RFXAP: variants seen among roughly 807,000 people sequenced by gnomAD.
RFXAP encodes regulatory factor X-associated protein.
A neutral mutation model predicts 25.7 loss-of-function variants in RFXAP; 21 were observed. That is an observed-to-expected ratio of 0.82 (90% CI 0.58 to 1.18). The LOEUF (loss-of-function observed/expected upper bound fraction) is 1.18, where lower values mean the gene tolerates loss of function less well. Ranked by LOEUF, RFXAP falls within the 50% of genes most tolerant of loss-of-function variation. The pLI is 0.00. For missense variants in RFXAP, 333 were observed against 363.0 expected, an observed-to-expected ratio of 0.92 and a Z score of 0.67; for synonymous variants, 161 against 152.2, an observed-to-expected ratio of 1.06 and a Z score of -0.43.
At chr13:36,822,068 G>A (rs989983583) in intron 1 of RFXAP, among the ~76,000 whole-genome samples, 11 of 151,810 alleles carry the variant, frequency 7.2e-5, no homozygotes, top group African/African-American at 2.4e-4. Context: ...CTTTAGAGAG[G>A]GAGAAAAATA....
At chr13:36,822,760 A>C (rs1395828549) in intron 1 of RFXAP, among the ~76,000 whole-genome samples, 1 of 152,212 alleles carries the variant, frequency 6.6e-6, no homozygotes, top group Non-Finnish European at 1.5e-5. Context: ...AAATAATACT[A>C]ATAGTTTACT....
chr13:36,825,946 G>A (rs2057976746), intron 2 of RFXAP, among the ~76,000 whole-genome samples: 2 of 152,094 alleles, frequency 1.3e-5, no homozygotes, highest in South Asian at 4.1e-4. Flanking sequence ...AGGCCAGGTG[G>A]GAGGATCACT....
At chr13:36,825,599 T>C (rs2057975730) in intron 2 of RFXAP, 64 bp downstream of exon 2, 4 of 1,111,646 alleles carry the variant, frequency 3.6e-6, no homozygotes, top group Admixed American at 3.6e-5. Flanking sequence ...AATGGAACAA[T>C]TGAGATTTTT....
At position 36,828,163 on chromosome 13, in the gene RFXAP, G is replaced by A. The variant is rs1354553656; in HGVS notation, c.*410G>A. ...ACCTTGAAAACCACTGGCTTTTAGTGAGTGGCCAGGAATGCTAAATGTTCT... is the reference window on the plus strand; with the variant it reads ...ACCTTGAAAACCACTGGCTTTTAGTAAGTGGCCAGGAATGCTAAATGTTCT... On this transcript the variant is annotated 3_prime_UTR_variant, in exon 3 of 3. Coordinates refer to ENST00000255476, the MANE Select transcript of RFXAP (RefSeq NM_000538.4). 1.0e-5 allele frequency: 2 copies of A among 197,480 alleles called. No individual in the cohort carries two copies. The highest frequency in any genetic ancestry group is 2.4e-5 in the African/African-American group (1 of 41,970). The allele number at this position is 197,480 out of a possible 1,614,324, so 12.2% of individuals were successfully genotyped here.
In RFXAP at chr13:36,819,962, C is replaced by T; in HGVS notation, c.600+5C>T. 1 of 1,613,534 alleles carries T rather than the reference C, an allele frequency of 6.2e-7. No individual in the cohort carries two copies. The highest frequency in any genetic ancestry group is 8.5e-7 in the Non-Finnish European group (1 of 1,179,820). ...GCGGGAAACGTCAAACTCGAGGTAT[C>T]AGACTTAGCTGAGGCCTGGGGATGG... On this transcript the variant is annotated splice_donor_5th_base_variant and intron_variant, in intron 1 of 2. Coordinates refer to ENST00000255476, the MANE Select transcript of RFXAP (RefSeq NM_000538.4).
Position 36,819,812 on chromosome 13 carries a change from A to G in RFXAP, c.455A>G (p.Gln152Arg), listed in dbSNP as rs373832619. The change falls in exon 1 of 3, where the codon CAG (glutamine) becomes CGG (arginine). Residue 152 changes from glutamine (Q) to arginine (R), a missense_variant. By Grantham distance (43) the Gln-to-Arg change is conservative. Coordinates refer to ENST00000255476, the MANE Select transcript of RFXAP (RefSeq NM_000538.4). ...TYEGCSETTS[Q>R]VAKQRKPWMC... ...GAAGGCTGCAGCGAGACCACGAGCCAGGTGGCCAAGCAGCGCAAACCGTGG... is the reference window on the plus strand; with the variant it reads ...GAAGGCTGCAGCGAGACCACGAGCCGGGTGGCCAAGCAGCGCAAACCGTGG... 1.2e-5 allele frequency: 19 copies of G among 1,597,086 alleles called. 1 individual carries two copies. Among genetic ancestry groups the G allele is most frequent in the Non-Finnish European group, 1.5e-5 (18 of 1,171,210 alleles).
rs561580917 is a variant in RFXAP, at chr13:36,826,920, G to A, written c.709-723G>A. ...GCAGGATGATTGCTTGAGCCGAGGA[G>A]TTCAAGACTGCAGTGAGCTATGCTC... On this transcript the variant is annotated intron_variant, in intron 2 of 2. Coordinates refer to ENST00000255476, the MANE Select transcript of RFXAP (RefSeq NM_000538.4). Among the ~76,000 whole-genome samples, 5 of 152,242 alleles carry A rather than the reference G, an allele frequency of 3.3e-5. No homozygotes were observed. The East Asian group carries it at 9.6e-4, about 29-fold the overall frequency.
chr13:36,823,007 T>A (rs1041169070), intron 1 of RFXAP, among the ~76,000 whole-genome samples: 1 of 152,188 alleles, frequency 6.6e-6, no homozygotes, highest in Non-Finnish European at 1.5e-5. Context: ...CCAGAAAGGA[T>A]GGGCAATAGT....
At chr13:36,826,072 C>A (rs1175142690) in intron 2 of RFXAP, among the ~76,000 whole-genome samples, 1 of 152,212 alleles carries the variant, frequency 6.6e-6, no homozygotes, top group Non-Finnish European at 1.5e-5. Flanking sequence ...ACTCAAGAGG[C>A]TGAAACAGGA....
chr13:36,823,877 C>T (rs1326509760), intron 1 of RFXAP, among the ~76,000 whole-genome samples: 1 of 152,084 alleles, frequency 6.6e-6, no homozygotes, highest in Admixed American at 6.5e-5. Context: ...AAGCAGTAGA[C>T]TTATATGGCA....
chr13:36,825,402 A>G (rs2138217328), intron 1 of RFXAP, 26 bp from the exon 2 acceptor site: 3 of 1,477,566 alleles, frequency 2.0e-6, no homozygotes, highest in Non-Finnish European at 1.9e-6. Context: ...CTGTTTATCT[A>G]TTTGCATTTT....
Position 36,825,420 on chromosome 13 carries a change from T to C in RFXAP, c.601-8T>C. ...TTTATCTATTTGCATTTTTATCATTTATCCCAGGAAAGTGCAGATAACATA... is the reference window on the plus strand; with the variant it reads ...TTTATCTATTTGCATTTTTATCATTCATCCCAGGAAAGTGCAGATAACATA... On this transcript the variant is annotated splice_polypyrimidine_tract_variant and splice_region_variant and intron_variant, in intron 1 of 2. Transcript: ENST00000255476. The C allele has an allele frequency of 6.3e-7, 1 of 1,597,564 alleles. No individual in the cohort carries two copies. Among genetic ancestry groups the C allele is most frequent in the Non-Finnish European group, 8.6e-7 (1 of 1,166,090 alleles).
chr13:36,819,389 G>A lies in RFXAP; in HGVS notation c.32G>A (p.Gly11Glu). The change falls in exon 1 of 3, where the codon GGG becomes GAG. Residue 11 changes from glycine to glutamate, a missense_variant. By Grantham distance (98) the Gly-to-Glu change is moderately conservative (BLOSUM62 -2). Coordinates refer to ENST00000255476, the MANE Select transcript of RFXAP (RefSeq NM_000538.4). Reference protein sequence around the residue: MEAQGVAEGAGPGAASGVPHP... With the variant: MEAQGVAEGAEPGAASGVPHP... ...GCGCAGGGTGTAGCGGAGGGCGCGG[G>A]GCCGGGCGCCGCCAGCGGCGTGCCC... The A allele has an allele frequency of 4.6e-6, 6 of 1,301,264 alleles. No individual in the cohort carries two copies. Among genetic ancestry groups the A allele is most frequent in the Non-Finnish European group, 5.8e-6 (6 of 1,030,492 alleles). 80.6% of individuals were successfully genotyped at this position (1,301,264 alleles called of 1,614,324 possible).
At position 36,819,276 on chromosome 13, in the gene RFXAP, G is replaced by C. The variant is rs1049387935; in HGVS notation, c.-82G>C. On this transcript the variant is annotated 5_prime_UTR_variant, in exon 1 of 3. Transcript: ENST00000255476. ...GGCGCCTTTTACCCCAGCGTGTCCT[G>C]AGTCTTTGGTTCGCGAAGTGCCGTT... 750 of 1,210,630 alleles carry C rather than the reference G, an allele frequency of 6.2e-4. No individual in the cohort carries two copies. The highest frequency in any genetic ancestry group is 7.3e-4 in the Non-Finnish European group (703 of 969,578). 75.0% of individuals were successfully genotyped at this position (1,210,630 alleles called of 1,614,324 possible).
intron 1 of RFXAP, among the ~76,000 whole-genome samples, chr13:36,825,117 C>T (rs192019388): frequency 5.9e-5 from 9 of 152,258 alleles, no homozygotes; most frequent in African/African-American, 1.9e-4. Context: ...CTGCCTCAAT[C>T]TTAGTGGCCC....
intron 1 of RFXAP, among the ~76,000 whole-genome samples, chr13:36,824,032 G>T (rs2057970842): frequency 6.6e-6 from 1 of 152,266 alleles, no homozygotes; most frequent in South Asian, 2.1e-4. Context: ...GGTAAACTCT[G>T]TAGGACAAAA....
intron 1 of RFXAP, among the ~76,000 whole-genome samples, chr13:36,821,361 T>G: frequency 6.6e-6 from 1 of 152,128 alleles, no homozygotes. Flanking sequence ...TGTAATTGTT[T>G]ACAAATGTAA....
In RFXAP at chr13:36,819,236, C is replaced by T. The variant is rs935025934; in HGVS notation, c.-122C>T. ...TGCGGTCGCGCAGGCGCAGTCGGGG[C>T]GCCTTCCCGGTATAGGCGCCTTTTA... is the stretch of plus-strand genomic sequence containing the variant. On this transcript the variant is annotated 5_prime_UTR_variant, in exon 1 of 3. Transcript: ENST00000255476. 2 of 1,028,980 alleles carry T rather than the reference C, an allele frequency of 1.9e-6. No individual in the cohort carries two copies. The highest frequency in any genetic ancestry group is 3.3e-5 in the African/African-American group (2 of 59,926). 63.7% of individuals were successfully genotyped at this position (1,028,980 alleles called of 1,614,324 possible).
Position 36,819,386 on chromosome 13 carries a change from CG to C in RFXAP, c.33del (p.Pro12ArgfsTer13). The C allele has an allele frequency of 7.7e-7, 1 of 1,297,550 alleles. No individual in the cohort carries two copies. The highest frequency in any genetic ancestry group is 9.7e-7 in the Non-Finnish European group (1 of 1,028,468). The allele number at this position is 1,297,550 out of a possible 1,614,324, so 80.4% of individuals were successfully genotyped here. A position where few individuals can be genotyped will look rare whatever the true frequency, so the allele number is the denominator to read the frequency against. The stretch of plus-strand genomic sequence containing the variant: ...GAGGCGCAGGGTGTAGCGGAGGGCG[CG>C]GGGCCGGGCGCCGCCAGCGGCGTGC... MEAQGVAEG[A>X]GPGAASGVPH... is the part of the protein sequence containing the mutation. On this transcript the variant is annotated frameshift_variant, in exon 1 of 3. Coordinates refer to ENST00000255476, the MANE Select transcript of RFXAP (RefSeq NM_000538.4). LOFTEE classifies it high-confidence loss of function.
Sources: allele counts gnomAD v4.1 joint callset (sites outside exome capture counted in the v4.1 genomes callset), GRCh38; gene constraint gnomAD v4.1.1; transcripts MANE v1.5; gene names NCBI Gene and HGNC (gene_info 2026-07-23, HGNC 2026-07-21).